The following FKBP15 variants were observed in gnomAD, a reference collection of about 807,000 sequenced individuals.
FKBP15 encodes the protein FK506-binding protein 15.
In FKBP15, 106 loss-of-function variants were observed where a neutral mutation model predicts 158.1. That is an observed-to-expected ratio of 0.67 (90% confidence interval 0.57 to 0.79). The LOEUF (loss-of-function observed/expected upper bound fraction) is 0.79. FKBP15 is among the 30% of genes least tolerant of loss of function. The probability of loss-of-function intolerance (pLI) is 0.00; values close to 1 mark genes in which losing one functional copy is unlikely to be tolerated. For synonymous variants in FKBP15, 547 were observed against 548.6 expected (o/e 1.00, Z 0.04); for missense variants, 1,287 against 1,479.1 (o/e 0.87, Z 2.13).
At chr9:113,194,260 C>T in intron 9 of FKBP15, 91 bp from the exon 10 acceptor site, 3 of 1,030,684 alleles carry the variant, frequency 2.9e-6, no homozygotes, top group Non-Finnish European at 2.8e-6. Flanking sequence ...ACTCTGGGGA[C>T]TGTTGTCGGG....
Position 113,162,702 on chromosome 9 carries a change from AT to A in FKBP15, c.*3375del. ...CCTGATATCTACTCCCAGCTTCCTC[AT>A]TACCAGCTCATTACCAGGATTAACT... On this transcript the variant is annotated 3_prime_UTR_variant, in exon 28 of 28. Coordinates refer to ENST00000238256, the MANE Select transcript of FKBP15 (RefSeq NM_015258.2). The A allele has an allele frequency of 1.3e-6, 2 of 1,561,796 alleles. No individual in the cohort carries two copies.
At chr9:113,176,003 C>T (rs1030235005) in intron 21 of FKBP15, among the ~76,000 whole-genome samples, 2 of 152,172 alleles carry the variant, frequency 1.3e-5, no homozygotes, top group Non-Finnish European at 2.9e-5. Context: ...GATTCTTACT[C>T]ATGCAATCCA....
intron 8 of FKBP15, 102 bp from the exon 9 acceptor site, chr9:113,197,180 T>C (rs1830703660): frequency 1.4e-6 from 2 of 1,427,712 alleles, no homozygotes; most frequent in Non-Finnish European, 1.9e-6. Flanking sequence ...CTTTCACGTT[T>C]ACTCAGTGCC....
intron 4 of FKBP15, among the ~76,000 whole-genome samples, chr9:113,204,269 G>A (rs759369606): frequency 1.3e-5 from 2 of 152,178 alleles, no homozygotes; most frequent in East Asian, 1.9e-4. Flanking sequence ...TAGTAGACAC[G>A]GGGTTTCTCC....
intron 7 of FKBP15, among the ~76,000 whole-genome samples, 184 bp from the exon 8 acceptor site, chr9:113,199,107 A>C (rs570515737): frequency 1.3e-5 from 2 of 152,348 alleles, no homozygotes; most frequent in Non-Finnish European, 2.9e-5. Flanking sequence ...TATTATAATG[A>C]ATATCTCTGA....
rs1373685683 is a variant in FKBP15, at chr9:113,188,512, T to G, written c.1174-21A>C. ...ACATCCTGAAACAGGAACAAGCGTTTGGGTTACTCTGTACGGGGTCCCTCA... is the reference window on the plus strand; with the variant it reads ...ACATCCTGAAACAGGAACAAGCGTTGGGGTTACTCTGTACGGGGTCCCTCA... On this transcript the variant is annotated intron_variant, in intron 12 of 27. Coordinates refer to ENST00000238256, the MANE Select transcript of FKBP15 (RefSeq NM_015258.2). The G allele has an allele frequency of 1.9e-6, 3 of 1,599,188 alleles. No individual in the cohort carries two copies. The African/African-American group carries it at 4.0e-5, about 21-fold the overall frequency.
chr9:113,199,815 T>A lies in FKBP15; in HGVS notation c.647A>T (p.Gln216Leu). 1 of 1,611,458 alleles carries A rather than the reference T, an allele frequency of 6.2e-7. No homozygotes were observed. The highest frequency in any genetic ancestry group is 8.5e-7 in the Non-Finnish European group (1 of 1,178,804). ...AACTTGCAGGGTGCATTTTCTTACC[T>A]GGCCCAGCACATGATTCTGAAAGAG... ...GWLFQNHVLG[Q>L]VFDSTANKDK... Residue 216 changes from glutamine to leucine, a missense_variant and splice_region_variant, in exon 7 of 28, where the codon CAG becomes CTG. Physicochemically the swap from Gln to Leu is moderately radical, Grantham distance 113. Coordinates refer to ENST00000238256, the MANE Select transcript of FKBP15 (RefSeq NM_015258.2).
At position 113,162,694 on chromosome 9, in the gene FKBP15, G is replaced by C. The variant is rs948098212; in HGVS notation, c.*3384C>G. 1 of 1,524,442 alleles carries C rather than the reference G, an allele frequency of 6.6e-7. No individual in the cohort carries two copies. The highest frequency in any genetic ancestry group is 8.9e-7 in the Non-Finnish European group (1 of 1,119,792). The allele number at this position is 1,524,442 out of a possible 1,614,324, so 94.4% of individuals were successfully genotyped here. A position where few individuals can be genotyped will look rare whatever the true frequency, so the allele number is the denominator to read the frequency against. ...TTCTACTCCCTGATATCTACTCCCAGCTTCCTCATTACCAGCTCATTACCA... is the reference window on the plus strand; with the variant it reads ...TTCTACTCCCTGATATCTACTCCCACCTTCCTCATTACCAGCTCATTACCA... On this transcript the variant is annotated 3_prime_UTR_variant, in exon 28 of 28. Transcript: ENST00000238256.
chr9:113,195,958 G>A (rs936423838), intron 9 of FKBP15, among the ~76,000 whole-genome samples: 1 of 151,802 alleles, frequency 6.6e-6, no homozygotes, highest in African/African-American at 2.4e-5. Context: ...GCATATATGT[G>A]TGTATACACA....
intron 9 of FKBP15, among the ~76,000 whole-genome samples, chr9:113,195,426 T>C (rs1422716658): frequency 6.6e-6 from 1 of 152,212 alleles, no homozygotes; most frequent in Non-Finnish European, 1.5e-5. Flanking sequence ...TGGTTTGTTA[T>C]CTATCACCAG....
chr9:113,201,500 T>C (rs1221805390), intron 6 of FKBP15, among the ~76,000 whole-genome samples: 1 of 152,140 alleles, frequency 6.6e-6, no homozygotes, highest in African/African-American at 2.4e-5. Flanking sequence ...TGTGACAGTA[T>C]TAGGAGGTGG....
In FKBP15 at chr9:113,198,245, T is replaced by A. The variant is rs901630047; in HGVS notation, c.717+610A>T. Among the ~76,000 whole-genome samples, 1 of 152,190 alleles carries A rather than the reference T, an allele frequency of 6.6e-6. No homozygotes were observed. The highest frequency in any genetic ancestry group is 1.5e-5 in the Non-Finnish European group (1 of 68,046). ...TTTATGATAAGTTTCGAGAAGAAAC[T>A]GTCTCACTTTTTCCCCTGTTAGGCT... On this transcript the variant is annotated intron_variant, in intron 8 of 27. Coordinates refer to ENST00000238256, the MANE Select transcript of FKBP15 (RefSeq NM_015258.2). The surrounding 1 kb of genome is among the most constrained non-coding windows in gnomAD (Gnocchi z 5.2).
intron 5 of FKBP15, 72 bp from the exon 6 acceptor site, chr9:113,202,701 A>C: frequency 2.2e-5 from 27 of 1,239,484 alleles, no homozygotes; most frequent in Non-Finnish European, 2.9e-5. Context: ...GCCTAAGCTC[A>C]TAGAGTAGGG....
rs1480659542 is a variant in FKBP15 at position 113,162,437 on chromosome 9, CCTTA to C, written c.*3637_*3640del. 2 of 247,972 alleles carry C rather than the reference CCTTA, an allele frequency of 8.1e-6. No homozygotes were observed. The highest frequency in any genetic ancestry group is 4.6e-5 in the African/African-American group (2 of 43,470). 15.4% of individuals were successfully genotyped at this position (247,972 alleles called of 1,614,324 possible). On this transcript the variant is annotated 3_prime_UTR_variant, in exon 28 of 28. Coordinates refer to ENST00000238256, the MANE Select transcript of FKBP15 (RefSeq NM_015258.2). ...GAAGTAGATTCAGGGGGGAAATATGCCTTACTGATGATTTTCTCTTATTCCTTAT... is the reference window on the plus strand; with the variant it reads ...GAAGTAGATTCAGGGGGGAAATATGCCTGATGATTTTCTCTTATTCCTTAT...
chr9:113,202,834 G>A, intron 5 of FKBP15, 127 bp downstream of exon 5: 1 of 843,816 alleles, frequency 1.2e-6, no homozygotes, highest in Non-Finnish European at 1.9e-6. Flanking sequence ...GAAAGGTTCT[G>A]TTAGATACTC....
At chr9:113,171,853 TTTA>T in intron 23 of FKBP15, 147 bp from the exon 24 acceptor site, 3 of 718,298 alleles carry the variant, frequency 4.2e-6, no homozygotes, top group African/African-American at 1.8e-5. Context: ...ATTCTTTTTT[TTTA>T]TTATTATTAT....
chr9:113,194,354 C>T (rs1245452683), intron 9 of FKBP15, among the ~76,000 whole-genome samples, 185 bp from the exon 10 acceptor site: 1 of 151,052 alleles, frequency 6.6e-6, no homozygotes, highest in Non-Finnish European at 1.5e-5. Context: ...CAGCATGGCA[C>T]ATGTATACAT....
At chr9:113,190,370 A>C in intron 12 of FKBP15, 101 bp downstream of exon 12, 1 of 948,068 alleles carries the variant, frequency 1.1e-6, no homozygotes, top group Non-Finnish European at 1.6e-6. Flanking sequence ...TCTCTAAATA[A>C]TGATTCTGCC....
intron 6 of FKBP15, among the ~76,000 whole-genome samples, chr9:113,201,861 A>G (rs1830798165): frequency 6.6e-6 from 1 of 152,226 alleles, no homozygotes; most frequent in Non-Finnish European, 1.5e-5. Context: ...ATTTTTAAAT[A>G]AAATAAGCAT....
Sources: allele counts gnomAD v4.1 joint callset (sites outside exome capture counted in the v4.1 genomes callset), GRCh38; gene constraint gnomAD v4.1.1; non-coding constraint Gnocchi (gnomAD v3.1); transcripts MANE v1.5; gene names NCBI Gene and HGNC (gene_info 2026-07-23, HGNC 2026-07-21).